Variants in TTF2 observed in about 807,000 individuals in gnomAD.
TTF2 encodes RNA polymerase II termination factor.
In TTF2, 108 loss-of-function variants were observed where a neutral mutation model predicts 142.4. The ratio of observed to expected loss-of-function variants is 0.76; its 90% confidence interval spans 0.65 to 0.89. The LOEUF (loss-of-function observed/expected upper bound fraction) is 0.89, where lower values mean the gene tolerates loss of function less well. Among genes scored for constraint, TTF2 ranks in the 40% least tolerant of loss-of-function variants. The pLI, the probability that TTF2 is intolerant of heterozygous loss-of-function variation, is 0.00. For missense variants in TTF2, 1,327 were observed against 1,379.8 expected (o/e 0.96, Z 0.61); for synonymous variants, 483 against 506.2 (o/e 0.95, Z 0.61).
intron 19 of TTF2, 139 bp downstream of exon 19, chr1:117,095,506 T>C (rs1649039967): frequency 1.4e-6 from 1 of 732,264 alleles, no homozygotes. Context: ...CCCTGTGATT[T>C]CTAATTAAAA....
intron 9 of TTF2, among the ~76,000 whole-genome samples, chr1:117,081,600 AAG>A (rs1253994195): frequency 6.6e-6 from 1 of 152,244 alleles, no homozygotes; most frequent in Non-Finnish European, 1.5e-5. Context: ...TAAATTTTAC[AAG>A]AGTCATAGTA....
rs747809358 is a variant in TTF2 at position 117,060,340 on chromosome 1, C to T, written c.-7C>T. On this transcript the variant is annotated 5_prime_UTR_variant, in exon 1 of 23. Transcript: ENST00000369466. ...GGGGCTTTGTGGAACTTGGGGGACC[C>T]AGCGAAATGGAAGAAGTTAGGTGTC... is the stretch of plus-strand genomic sequence containing the variant. 4.4e-6 allele frequency: 7 copies of T among 1,594,604 alleles called. No individual in the cohort carries two copies. Among genetic ancestry groups the T allele is most frequent in the Admixed American group, 1.8e-5 (1 of 55,884 alleles).
rs763415206 is a variant in TTF2 at position 117,079,352 on chromosome 1, A to G, written c.1702-216A>G. On this transcript the variant is annotated intron_variant, in intron 8 of 22. Coordinates refer to ENST00000369466, the MANE Select transcript of TTF2 (RefSeq NM_003594.4). The surrounding 1 kb of genome is among the most constrained non-coding windows in gnomAD (Gnocchi z 4.2). ...GGGACTCTTAATAGAAATGCTGAAC[A>G]TTAGATGCAACCCAAAACAAACAGG... Among the ~76,000 whole-genome samples the G allele has an allele frequency of 3.9e-5, 6 of 152,216 alleles. No individual in the cohort carries two copies. Among genetic ancestry groups the G allele is most frequent in the Non-Finnish European group, 7.3e-5 (5 of 68,030 alleles).
Position 117,063,807 on chromosome 1 carries a change from T to C in TTF2, c.218+1334T>C, listed in dbSNP as rs1458076225. On this transcript the variant is annotated intron_variant, in intron 3 of 22. Transcript: ENST00000369466. The surrounding 1 kb of genome is among the most constrained non-coding windows in gnomAD (Gnocchi z 4.1). Reference sequence around the variant, plus strand: ...GTAACGTTTGCAAGGCTTAGAAATATATCACAAACAGGATATTAATATTGG... The same window carrying C: ...GTAACGTTTGCAAGGCTTAGAAATACATCACAAACAGGATATTAATATTGG... Among the ~76,000 whole-genome samples, 1 of 152,232 alleles carries C rather than the reference T, an allele frequency of 6.6e-6. No homozygotes were observed. The highest frequency in any genetic ancestry group is 6.5e-5 in the Admixed American group (1 of 15,284).
At position 117,079,655 on chromosome 1, in the gene TTF2, T is replaced by G. The variant is rs1647321571; in HGVS notation, c.1783+6T>G. On this transcript the variant is annotated splice_donor_region_variant and intron_variant, in intron 9 of 22. Coordinates refer to ENST00000369466, the MANE Select transcript of TTF2 (RefSeq NM_003594.4). The surrounding 1 kb of genome is among the most constrained non-coding windows in gnomAD (Gnocchi z 4.2). Reference sequence around the variant, plus strand: ...GCCACAAGGAGGAATTCTGGGTAAGTGTGGTATTATAAGAGTCAGCCTTTA... The same window carrying G: ...GCCACAAGGAGGAATTCTGGGTAAGGGTGGTATTATAAGAGTCAGCCTTTA... 1 of 1,614,006 alleles carries G rather than the reference T, an allele frequency of 6.2e-7. No homozygotes were observed.
rs1482058073 is a variant in TTF2 at position 117,079,484 on chromosome 1, G to A, written c.1702-84G>A. The A allele has an allele frequency of 8.1e-7, 1 of 1,242,180 alleles. No homozygotes were observed. Among genetic ancestry groups the A allele is most frequent in the Non-Finnish European group, 1.2e-6 (1 of 845,856 alleles). The allele number at this position is 1,242,180 out of a possible 1,614,324, so 76.9% of individuals were successfully genotyped here. On this transcript the variant is annotated intron_variant, in intron 8 of 22. Coordinates refer to ENST00000369466, the MANE Select transcript of TTF2 (RefSeq NM_003594.4). This position sits in a 1 kb window ranked among gnomAD's most constrained non-coding sequence, Gnocchi z 4.2. The stretch of plus-strand genomic sequence containing the variant: ...TGAGGGAATCATTTGTAGAAAATAG[G>A]AGAGTGTAGAGTTCGTGTAGCCAGG...
rs921835097 is a variant in TTF2, at chr1:117,090,445, A to C, written c.2497-87A>C. 20 of 1,296,490 alleles carry C rather than the reference A, an allele frequency of 1.5e-5. No individual in the cohort carries two copies. In the African/African-American group the frequency reaches 2.5e-4, roughly 16 times the overall value. 80.3% of individuals were successfully genotyped at this position (1,296,490 alleles called of 1,614,324 possible). A position where few individuals can be genotyped will look rare whatever the true frequency, so the allele number is the denominator to read the frequency against. On this transcript the variant is annotated intron_variant, in intron 14 of 22. Coordinates refer to ENST00000369466, the MANE Select transcript of TTF2 (RefSeq NM_003594.4). The surrounding 1 kb of genome is among the most constrained non-coding windows in gnomAD (Gnocchi z 4.8). ...GAAGCTGCATTCCAGGGTTGACTAG[A>C]TATGCAGTGTCAGTATGGGGAATTT...
Position 117,075,960 on chromosome 1 carries a change from A to T in TTF2, c.1275+101A>T. ...CAGAAGGGTTAAATATGTTCATGTG[A>T]AGGTTTTATAGGTGCATGTTCAGTT... On this transcript the variant is annotated intron_variant, in intron 5 of 22. Transcript: ENST00000369466. The surrounding 1 kb of genome is among the most constrained non-coding windows in gnomAD (Gnocchi z 4.5). 1 of 1,470,302 alleles carries T rather than the reference A, an allele frequency of 6.8e-7. No individual in the cohort carries two copies. Among genetic ancestry groups the T allele is most frequent in the Non-Finnish European group, 9.0e-7 (1 of 1,106,540 alleles). The allele number at this position is 1,470,302 out of a possible 1,614,324, so 91.1% of individuals were successfully genotyped here.
intron 19 of TTF2, 109 bp downstream of exon 19, chr1:117,095,476 C>G (rs986807927): frequency 5.0e-6 from 5 of 1,008,722 alleles, no homozygotes; most frequent in African/African-American, 1.6e-5. Flanking sequence ...GCAGAAAGCA[C>G]TGAGGTTATA....
rs771115803 is a variant in TTF2, at chr1:117,063,167, A to C, written c.218+694A>C. On this transcript the variant is annotated intron_variant, in intron 3 of 22. Coordinates refer to ENST00000369466, the MANE Select transcript of TTF2 (RefSeq NM_003594.4). This position sits in a 1 kb window ranked among gnomAD's most constrained non-coding sequence, Gnocchi z 4.1. Reference sequence around the variant, plus strand: ...GCACTTCATAATTTATATATTCTAGATCCCCCCACCCAATTAAAGGCATTT... The same window carrying C: ...GCACTTCATAATTTATATATTCTAGCTCCCCCCACCCAATTAAAGGCATTT... Among the ~76,000 whole-genome samples, 9 of 152,242 alleles carry C rather than the reference A, an allele frequency of 5.9e-5. No homozygotes were observed. The South Asian group carries it at 6.2e-4, about 11-fold the overall frequency.
chr1:117,088,075 T>C (rs1412022124), intron 12 of TTF2, among the ~76,000 whole-genome samples: 1 of 152,224 alleles, frequency 6.6e-6, no homozygotes, highest in Non-Finnish European at 1.5e-5. Context: ...AGGTAGGAAC[T>C]GTTTTTTATA....
chr1:117,086,387 T>G lies in TTF2; in HGVS notation c.2055-30T>G. On this transcript the variant is annotated intron_variant, in intron 11 of 22. Transcript: ENST00000369466. The surrounding 1 kb of genome is among the most constrained non-coding windows in gnomAD (Gnocchi z 4.2). The stretch of plus-strand genomic sequence containing the variant: ...TCATTGTCCCTCTATAGTGGGACCA[T>G]TTATTGATTTCTTTGTTATGTCTAC... 1 of 1,520,706 alleles carries G rather than the reference T, an allele frequency of 6.6e-7. No homozygotes were observed. The highest frequency in any genetic ancestry group is 9.1e-7 in the Non-Finnish European group (1 of 1,095,456). The allele number at this position is 1,520,706 out of a possible 1,614,324, so 94.2% of individuals were successfully genotyped here.
At chr1:117,068,949 T>C (rs1021667228) in intron 3 of TTF2, among the ~76,000 whole-genome samples, 19 of 152,248 alleles carry the variant, frequency 1.2e-4, no homozygotes, top group Non-Finnish European at 4.4e-5. Flanking sequence ...ATTTTGCTTA[T>C]GGTATTTTCA....
Position 117,076,306 on chromosome 1 carries a change from T to G in TTF2, c.1390+12T>G. The G allele has an allele frequency of 6.2e-7, 1 of 1,607,104 alleles. No homozygotes were observed. Among genetic ancestry groups the G allele is most frequent in the Non-Finnish European group, 8.5e-7 (1 of 1,175,072 alleles). ...TTCCCCAGAGCAAGGTAAAGTGGCTTATGCCTCAGAACTCCGGGTTTGCAT... is the reference window on the plus strand; with the variant it reads ...TTCCCCAGAGCAAGGTAAAGTGGCTGATGCCTCAGAACTCCGGGTTTGCAT... On this transcript the variant is annotated intron_variant, in intron 6 of 22. Coordinates refer to ENST00000369466, the MANE Select transcript of TTF2 (RefSeq NM_003594.4). This position sits in a 1 kb window ranked among gnomAD's most constrained non-coding sequence, Gnocchi z 4.6.
intron 4 of TTF2, 72 bp from the exon 5 acceptor site, chr1:117,074,797 TG>T (rs1656856958): frequency 7.3e-7 from 1 of 1,366,952 alleles, no homozygotes; most frequent in African/African-American, 1.5e-5. Flanking sequence ...AAAGTTGAGA[TG>T]AAAAGGAAAG....
At chr1:117,098,798 G>A (rs771883327) in intron 21 of TTF2, 35 bp from the exon 22 acceptor site, 2 of 1,602,214 alleles carry the variant, frequency 1.2e-6, no homozygotes, top group East Asian at 4.5e-5. Context: ...GATCTAGTAT[G>A]TCAGTTCCTT....
chr1:117,076,397 AT>A lies in TTF2; in HGVS notation c.1390+107del. The A allele has an allele frequency of 9.7e-7, 1 of 1,026,620 alleles. No individual in the cohort carries two copies. Among genetic ancestry groups the A allele is most frequent in the Non-Finnish European group, 1.4e-6 (1 of 705,012 alleles). The allele number at this position is 1,026,620 out of a possible 1,614,324, so 63.6% of individuals were successfully genotyped here. On this transcript the variant is annotated intron_variant, in intron 6 of 22. Transcript: ENST00000369466. This position sits in a 1 kb window ranked among gnomAD's most constrained non-coding sequence, Gnocchi z 4.6. ...AATGTGTTGATTCATTCACTTTTCC[AT>A]TTTATTATCTGCTTCTGAGACTTCT... is the stretch of plus-strand genomic sequence containing the variant.
In TTF2 at chr1:117,106,176, C is replaced by T. The variant is rs1649917534; in HGVS notation, c.*4652C>T. 1 of 151,950 alleles carries T rather than the reference C, an allele frequency of 6.6e-6. No individual in the cohort carries two copies. Among genetic ancestry groups the T allele is most frequent in the South Asian group, 2.1e-4 (1 of 4,822 alleles). 9.4% of individuals were successfully genotyped at this position (151,950 alleles called of 1,614,324 possible). ...AAATTCAGAATTCCTAGGCATATGA[C>T]CTAGACTAAAATGTCTTCATAACTA... On this transcript the variant is annotated 3_prime_UTR_variant, in exon 23 of 23. Transcript: ENST00000369466.
chr1:117,079,484 G>T lies in TTF2; in HGVS notation c.1702-84G>T. 8.0e-7 allele frequency: 1 copy of T among 1,242,298 alleles called. No individual in the cohort carries two copies. Among genetic ancestry groups the T allele is most frequent in the Non-Finnish European group, 1.2e-6 (1 of 845,848 alleles). The allele number at this position is 1,242,298 out of a possible 1,614,324, so 77.0% of individuals were successfully genotyped here. On this transcript the variant is annotated intron_variant, in intron 8 of 22. Coordinates refer to ENST00000369466, the MANE Select transcript of TTF2 (RefSeq NM_003594.4). This position sits in a 1 kb window ranked among gnomAD's most constrained non-coding sequence, Gnocchi z 4.2. Reference sequence around the variant, plus strand: ...TGAGGGAATCATTTGTAGAAAATAGGAGAGTGTAGAGTTCGTGTAGCCAGG... The same window carrying T: ...TGAGGGAATCATTTGTAGAAAATAGTAGAGTGTAGAGTTCGTGTAGCCAGG...
Sources: allele counts gnomAD v4.1 joint callset (sites outside exome capture counted in the v4.1 genomes callset), GRCh38; gene constraint gnomAD v4.1.1; non-coding constraint Gnocchi (gnomAD v3.1); transcripts MANE v1.5; gene names NCBI Gene and HGNC (gene_info 2026-07-23, HGNC 2026-07-21).